Variants in PDE4D observed in about 807,000 individuals in gnomAD.
PDE4D encodes phosphodiesterase 4D, also known as 3',5'-cyclic-AMP phosphodiesterase 4D.
In PDE4D, 24 loss-of-function variants were observed where a neutral mutation model predicts 87.4. The ratio of observed to expected loss-of-function variants is 0.27; its 90% confidence interval spans 0.20 to 0.39. The LOEUF (loss-of-function observed/expected upper bound fraction) is 0.39. Among genes scored for constraint, PDE4D ranks in the 10% least tolerant of loss-of-function variants. PDE4D has a pLI of 1.00. For synonymous variants in PDE4D, 384 were observed against 383.2 expected, an observed-to-expected ratio of 1.00 and a Z score of -0.02; for missense variants, 714 against 1,041.0, an observed-to-expected ratio of 0.69 and a Z score of 4.32.
intron 1 of PDE4D, among the ~76,000 whole-genome samples, chr5:59,265,950 C>T (rs924801695): frequency 2.0e-5 from 3 of 151,912 alleles, no homozygotes; most frequent in South Asian, 2.1e-4. Context: ...TTTCAAGATG[C>T]GAATTACAGC....
chr5:59,061,526 G>T (rs1446719274), intron 5 of PDE4D, among the ~76,000 whole-genome samples: 1 of 152,080 alleles, frequency 6.6e-6, no homozygotes, highest in Non-Finnish European at 1.5e-5. Flanking sequence ...TTGTCAGTGA[G>T]TCAGCCTCGT....
At chr5:60,103,235 T>A (rs1468487438) in intron 2 of PDE4D, among the ~76,000 whole-genome samples, 1 of 152,176 alleles carries the variant, frequency 6.6e-6, no homozygotes, top group African/African-American at 2.4e-5. Context: ...TTGGAGTTAT[T>A]TTTCCTGCTT....
intron 1 of PDE4D, among the ~76,000 whole-genome samples, chr5:60,318,542 G>T (rs1026590766): frequency 6.6e-5 from 10 of 151,832 alleles, no homozygotes; most frequent in South Asian, 4.2e-4. Flanking sequence ...GTTAGCTGGT[G>T]ATTTTGCTTG....
chr5:60,214,295 C>T (rs982078739), intron 1 of PDE4D, among the ~76,000 whole-genome samples: 11 of 152,160 alleles, frequency 7.2e-5, no homozygotes, highest in African/African-American at 2.7e-4. Flanking sequence ...TGCTCATGAC[C>T]TAGTCCACTT....
chr5:60,072,420 G>A (rs1467665642), intron 2 of PDE4D, among the ~76,000 whole-genome samples: 1 of 152,100 alleles, frequency 6.6e-6, no homozygotes, highest in African/African-American at 2.4e-5. Flanking sequence ...TTTGTCAGAT[G>A]CATAGTTTGC....
chr5:59,761,934 C>A (rs74664445), intron 1 of PDE4D, among the ~76,000 whole-genome samples: 1 of 151,842 alleles, frequency 6.6e-6, no homozygotes, highest in African/African-American at 2.4e-5. Context: ...ACCAGCATGC[C>A]CACAAACACA....
At chr5:60,506,749 T>G (rs1018266575) in intron 1 of PDE4D, among the ~76,000 whole-genome samples, 14 of 152,132 alleles carry the variant, frequency 9.2e-5, no homozygotes, top group Non-Finnish European at 2.1e-4. Context: ...GAGATTGCAT[T>G]TTAACTTTCA....
At chr5:59,091,842 C>T (rs1768805736) in intron 5 of PDE4D, among the ~76,000 whole-genome samples, 1 of 151,964 alleles carries the variant, frequency 6.6e-6, no homozygotes, top group Non-Finnish European at 1.5e-5. Flanking sequence ...TTTTACAAAG[C>T]CTAAAAGATG....
rs1331610933 is a variant in PDE4D, at chr5:59,530,286, TCAGA to T, written c.456-314322_456-314319del. ...TGGTATACTAAAACTTAAAAAAAAA[TCAGA>T]CAGTTTTTTCCCCCAGGTACTTAAG... On this transcript the variant is annotated intron_variant, in intron 1 of 14. Coordinates refer to ENST00000340635, the MANE Select transcript of PDE4D (RefSeq NM_001104631.2). Among the ~76,000 whole-genome samples the T allele has an allele frequency of 2.0e-5, 3 of 152,166 alleles. No individual in the cohort carries two copies. In the East Asian group the frequency reaches 5.8e-4, roughly 29 times the overall value.
chr5:58,981,926 C>A (rs1296551217), intron 11 of PDE4D, among the ~76,000 whole-genome samples: 2 of 152,142 alleles, frequency 1.3e-5, no homozygotes, highest in South Asian at 4.1e-4. Flanking sequence ...CCAATTTCCC[C>A]TTGGTAGTCA....
chr5:60,234,272 A>G (rs1433676115), intron 1 of PDE4D, among the ~76,000 whole-genome samples: 1 of 151,782 alleles, frequency 6.6e-6, no homozygotes, highest in African/African-American at 2.4e-5. Flanking sequence ...GCATATATCA[A>G]TACTTTATTT....
chr5:59,617,445 T>C (rs1315426177), intron 1 of PDE4D, among the ~76,000 whole-genome samples: 1 of 152,180 alleles, frequency 6.6e-6, no homozygotes, highest in African/African-American at 2.4e-5. Context: ...AGAAATCATG[T>C]GTTGAAGTCC....
chr5:59,389,923 T>C (rs2607344), intron 1 of PDE4D, among the ~76,000 whole-genome samples: 23,827 of 152,112 alleles, frequency 0.16, 2,009 homozygotes, highest in East Asian at 0.2. Context: ...TAAGTTCTAG[T>C]GTTCGATAAC....
chr5:59,277,208 C>T (rs192411079), intron 1 of PDE4D, among the ~76,000 whole-genome samples: 48 of 152,284 alleles, frequency 3.2e-4, no homozygotes, highest in African/African-American at 1.2e-3. Context: ...TTACAACAAA[C>T]CCTTCATCTG....
intron 1 of PDE4D, among the ~76,000 whole-genome samples, chr5:59,281,078 A>T (rs1431822760): frequency 6.6e-6 from 1 of 152,072 alleles, no homozygotes; most frequent in Non-Finnish European, 1.5e-5. Context: ...AAATATGTTG[A>T]CTACACTGAA....
intron 3 of PDE4D, among the ~76,000 whole-genome samples, chr5:59,925,181 A>AAAAAAAAAAAAAG (rs1406475596): frequency 1.3e-5 from 2 of 151,286 alleles, no homozygotes; most frequent in South Asian, 2.1e-4. Context: ...TCTCAAAAAA[A>AAAAAAAAAAAAAG]AAAGAAACAA....
At chr5:59,467,559 T>C (rs1420506332) in intron 1 of PDE4D, among the ~76,000 whole-genome samples, 1 of 152,258 alleles carries the variant, frequency 6.6e-6, no homozygotes, top group Non-Finnish European at 1.5e-5. Flanking sequence ...AATCTCAATT[T>C]ATAGTAAACA....
chr5:60,123,712 A>G (rs1306903318), intron 2 of PDE4D, among the ~76,000 whole-genome samples: 2 of 152,182 alleles, frequency 1.3e-5, no homozygotes, highest in East Asian at 1.9e-4. Context: ...TGTTAAATAC[A>G]TGAGGAATTT....
chr5:60,388,501 C>G (rs1583600509), intron 1 of PDE4D, among the ~76,000 whole-genome samples: 1 of 152,154 alleles, frequency 6.6e-6, no homozygotes, highest in African/African-American at 2.4e-5. Context: ...TAAGTTCCCT[C>G]CCCTCACTGG....
Sources: gnomAD v4.1 joint callset for allele counts (sites outside exome capture counted in the v4.1 genomes callset) on GRCh38, gnomAD v4.1.1 for gene constraint, MANE v1.5 for transcripts, NCBI Gene and HGNC (gene_info 2026-07-23, HGNC 2026-07-21) for gene names.